The following GSK3A variants were observed in gnomAD, a reference collection of about 807,000 sequenced individuals.
GSK3A encodes the protein glycogen synthase kinase 3 alpha.
Under a neutral mutation model 56.6 loss-of-function variants are expected in GSK3A, and 14 were observed. The ratio of observed to expected loss-of-function variants is 0.25; its 90% CI spans 0.16 to 0.39. GSK3A has a LOEUF of 0.39. GSK3A is among the 10% of genes least tolerant of loss of function. GSK3A has a pLI of 1.00. For synonymous variants in GSK3A, 301 were observed against 285.0 expected (o/e 1.06, Z -0.56); for missense variants, 450 against 656.0 (o/e 0.69, Z 3.43).
At position 42,240,128 on chromosome 19, in the gene GSK3A, C is replaced by A. The variant is rs1441919598; in HGVS notation, c.298G>T (p.Val100Leu). The change falls in exon 2 of 11, where the codon GTG (valine) becomes TTG (leucine). Residue 100 changes from valine (V) to leucine (L), a missense_variant. Val to Leu is a conservative substitution (Grantham distance 32, BLOSUM62 1). Around this residue, in one of 3 missense-constraint regions of GSK3A, gnomAD observed 193 missense variants for 200.5 expected, o/e 0.96. Coordinates refer to ENST00000222330, the MANE Select transcript of GSK3A (RefSeq NM_019884.3). The part of the protein sequence containing the change: ...GVKLGRDSGK[V>L]TTVVATLGQG... ...CCTAGAGTGGCTACGACTGTGGTCA[C>A]CTTCCCGCTGTCACCTGGGGAACAA... The A allele has an allele frequency of 1.2e-6, 2 of 1,614,160 alleles. No homozygotes were observed. Among genetic ancestry groups the A allele is most frequent in the East Asian group, 4.5e-5 (2 of 44,888 alleles).
intron 4 of GSK3A, 89 bp downstream of exon 4, chr19:42,236,517 T>C: frequency 1.2e-6 from 1 of 826,298 alleles, no homozygotes; most frequent in Non-Finnish European, 2.2e-6. Context: ...AACATAAACT[T>C]GGCGGATGAG....
At chr19:42,236,508 A>G (rs1044401272) in intron 4 of GSK3A, 98 bp downstream of exon 4, 2 of 805,390 alleles carry the variant, frequency 2.5e-6, no homozygotes, top group Admixed American at 1.8e-5. Context: ...CCAAAAACCA[A>G]CATAAACTTG....
intron 2 of GSK3A, among the ~76,000 whole-genome samples, chr19:42,238,479 C>T (rs375971936): frequency 9.9e-5 from 15 of 151,400 alleles, no homozygotes; most frequent in African/African-American, 2.2e-4. Context: ...TGGTGGCACA[C>T]GCCTGTAGTC....
Position 42,242,259 on chromosome 19 carries a change from G to T in GSK3A, c.207C>A (p.Pro69=). 7.0e-7 allele frequency: 1 copy of T among 1,434,078 alleles called. No homozygotes were observed. The highest frequency in any genetic ancestry group is 9.1e-7 in the Non-Finnish European group (1 of 1,098,548). 88.8% of individuals were successfully genotyped at this position (1,434,078 alleles called of 1,614,324 possible). Residue 69 remains proline (P), a synonymous_variant, in exon 1 of 11, where the codon CCC becomes CCA. Transcript: ENST00000222330. Reference sequence around the variant, plus strand: ...CGCTGCCTCCTCCGCCGCTGCCGCCGGGTCCACCCCCGGAGCTCGAGGCCC... The same window carrying T: ...CGCTGCCTCCTCCGCCGCTGCCGCCTGGTCCACCCCCGGAGCTCGAGGCCC... The part of the protein sequence containing the change: ...GVGASSSGGG[P]GGSGGGGSGG...
chr19:42,230,725 G>T lies in GSK3A; in HGVS notation c.*69C>A. Reference sequence around the variant, plus strand: ...CCCAGCCAGGGCAGGAGCTTGATGGGCTATGGCCCCCCTTCCCAGCCCCTC... The same window carrying T: ...CCCAGCCAGGGCAGGAGCTTGATGGTCTATGGCCCCCCTTCCCAGCCCCTC... On this transcript the variant is annotated 3_prime_UTR_variant, in exon 11 of 11. Transcript: ENST00000222330. The T allele has an allele frequency of 8.3e-7, 1 of 1,203,288 alleles. No homozygotes were observed. Among genetic ancestry groups the T allele is most frequent in the Non-Finnish European group, 1.2e-6 (1 of 829,358 alleles). 74.5% of individuals were successfully genotyped at this position (1,203,288 alleles called of 1,614,324 possible). A position where few individuals can be genotyped will look rare whatever the true frequency, so the allele number is the denominator to read the frequency against.
chr19:42,236,536 T>C (rs1040132174), intron 4 of GSK3A, 70 bp downstream of exon 4: 14 of 927,012 alleles, frequency 1.5e-5, no homozygotes, highest in Non-Finnish European at 2.2e-5. Context: ...AGGGATCCCA[T>C]AAAAGGCAGG....
chr19:42,242,331 G>A lies in GSK3A; in HGVS notation c.135C>T (p.Gly45=), dbSNP rs2036298475. Reference sequence around the variant, plus strand: ...CGACAGATGCCTTTCCGCCGCCGGTGCCGCCTGGGCCGGAGGCCGAGCCTC... The same window carrying A: ...CGACAGATGCCTTTCCGCCGCCGGTACCGCCTGGGCCGGAGGCCGAGCCTC... ...GPGGSASGPG[G]TGGGKASVGA... Residue 45 remains glycine (G), a synonymous_variant, in exon 1 of 11, where the codon GGC becomes GGT. Transcript: ENST00000222330. The A allele has an allele frequency of 2.8e-6, 4 of 1,426,100 alleles. No individual in the cohort carries two copies. The South Asian group carries it at 5.7e-5, about 20-fold the overall frequency. 88.3% of individuals were successfully genotyped at this position (1,426,100 alleles called of 1,614,324 possible). A position where few individuals can be genotyped will look rare whatever the true frequency, so the allele number is the denominator to read the frequency against.
Position 42,232,500 on chromosome 19 carries a change from A to G in GSK3A, c.1281T>C (p.Ala427=). 1 of 1,613,900 alleles carries G rather than the reference A, an allele frequency of 6.2e-7. No homozygotes were observed. Among genetic ancestry groups the G allele is most frequent in the Non-Finnish European group, 8.5e-7 (1 of 1,179,894 alleles). Residue 427 remains alanine, a synonymous_variant, in exon 9 of 11, where the codon GCT becomes GCC. Coordinates refer to ENST00000222330, the MANE Select transcript of GSK3A (RefSeq NM_019884.3). ...GATCCCAGGCTATGCCCTCACCACC[A>G]GCACTGAAGTTGAAGAGAGGGGGAA... ...RPLPPLFNFS[A]GELSIQPSLN...
chr19:42,240,975 T>G (rs1019893659), intron 1 of GSK3A: 14 of 152,112 alleles, frequency 9.2e-5, no homozygotes, highest in African/African-American at 3.4e-4. Context: ...CCCCTTTGAG[T>G]AACTGATGAA....
Position 42,242,184 on chromosome 19 carries a change from G to A in GSK3A, c.282C>T (p.Gly94=). ...TACACGGGCGCCACTAGTACTCACG[G>A]CCCAGCTTCACCCCGGGCGGCGGGA... The part of the protein sequence containing the change: ...TSFPPPGVKL[G]RDSGKVTTVV... The change falls in exon 1 of 11, where the codon GGC becomes GGT. Residue 94 remains glycine, a splice_region_variant and synonymous_variant. Coordinates refer to ENST00000222330, the MANE Select transcript of GSK3A (RefSeq NM_019884.3). 7.1e-7 allele frequency: 1 copy of A among 1,413,538 alleles called. No individual in the cohort carries two copies. Among genetic ancestry groups the A allele is most frequent in the Non-Finnish European group, 9.2e-7 (1 of 1,087,364 alleles). The allele number at this position is 1,413,538 out of a possible 1,614,324, so 87.6% of individuals were successfully genotyped here. A position where few individuals can be genotyped will look rare whatever the true frequency, so the allele number is the denominator to read the frequency against.
In GSK3A at chr19:42,234,356, T is replaced by C; in HGVS notation, c.901A>G (p.Ile301Val). The C allele has an allele frequency of 6.2e-7, 1 of 1,612,408 alleles. No homozygotes were observed. Among genetic ancestry groups the C allele is most frequent in the Non-Finnish European group, 8.5e-7 (1 of 1,178,426 alleles). ...GCCACCCTCCCATAACTCTGACCGA[T>C]GGATGAGGTGTAATCAGTGGCTCCA... ...IFGATDYTSSIDVWSAGCVLA... is the reference protein window; with the variant it reads ...IFGATDYTSSVDVWSAGCVLA... Residue 301 changes from isoleucine (I) to valine (V), a missense_variant, in exon 6 of 11, where the codon ATC becomes GTC. Around this residue, in one of 3 missense-constraint regions of GSK3A, gnomAD observed 144 missense variants for 308.0 expected, o/e 0.47. Transcript: ENST00000222330. The surrounding 1 kb of genome is among the most constrained non-coding windows in gnomAD (Gnocchi z 5.7).
chr19:42,242,215 G>A lies in GSK3A; in HGVS notation c.251C>T (p.Thr84Ile), dbSNP rs1360888950. 7.6e-6 allele frequency: 11 copies of A among 1,446,152 alleles called. No individual in the cohort carries two copies. The highest frequency in any genetic ancestry group is 9.1e-6 in the Non-Finnish European group (10 of 1,104,826). 89.6% of individuals were successfully genotyped at this position (1,446,152 alleles called of 1,614,324 possible). Residue 84 changes from threonine (T) to isoleucine (I), a missense_variant, in exon 1 of 11, where the codon ACT (threonine) becomes ATT (isoleucine). Physicochemically the swap from Thr to Ile is moderately conservative, Grantham distance 89 (BLOSUM62 -1). This residue lies in a region of GSK3A where 193 missense variants were observed against 200.5 expected (regional missense o/e 0.96). Coordinates refer to ENST00000222330, the MANE Select transcript of GSK3A (RefSeq NM_019884.3). ...GGGSGGPGAG[T>I]SFPPPGVKLG... ...CTTCACCCCGGGCGGCGGGAAGCTA[G>A]TGCCTGCGCCGGGGCCTCCGCTGCC... is the stretch of plus-strand genomic sequence containing the variant.
intron 1 of GSK3A, chr19:42,241,878 T>C (rs1003292759): frequency 3.5e-6 from 1 of 289,660 alleles, no homozygotes; most frequent in Admixed American, 5.2e-5. Context: ...TCCAATATTA[T>C]AATGAATAGC....
Position 42,242,364 on chromosome 19 carries a change from G to GCCGCCGCCTCCTCCGCCT in GSK3A, c.84_101dup (p.Gly30_Gly35dup), listed in dbSNP as rs2036299102. The GCCGCCGCCTCCTCCGCCT allele has an allele frequency of 1.4e-6, 2 of 1,401,278 alleles. No homozygotes were observed. Among genetic ancestry groups the GCCGCCGCCTCCTCCGCCT allele is most frequent in the Non-Finnish European group, 1.9e-6 (2 of 1,080,368 alleles). 86.8% of individuals were successfully genotyped at this position (1,401,278 alleles called of 1,614,324 possible). On this transcript the variant is annotated inframe_insertion, in exon 1 of 11. Transcript: ENST00000222330. ...GGCCGGAGGCCGAGCCTCCGGGGCC[G>GCCGCCGCCTCCTCCGCCT]CCGCCGCCTCCTCCGCCTCCGCCGC...
chr19:42,231,974 A>G, intron 10 of GSK3A, 83 bp downstream of exon 10: 1 of 704,604 alleles, frequency 1.4e-6, no homozygotes, highest in Non-Finnish European at 2.4e-6. Flanking sequence ...AAATACATTC[A>G]GGAAACCCAG....
chr19:42,238,401 A>AAAAAAGATTTCACATC (rs2036271068), intron 2 of GSK3A, among the ~76,000 whole-genome samples: 1 of 147,686 alleles, frequency 6.8e-6, no homozygotes, highest in Non-Finnish European at 1.5e-5. Flanking sequence ...AAAAAAAAAA[A>AAAAAAGATTTCACATC]TAGAGACCAT....
intron 9 of GSK3A, 131 bp downstream of exon 9, chr19:42,232,365 T>A: frequency 1.2e-6 from 1 of 830,356 alleles, no homozygotes; most frequent in Non-Finnish European, 1.9e-6. Context: ...GGGAGTCATC[T>A]TTCCTGAGCC....
Position 42,242,565 on chromosome 19 carries a change from C to T in GSK3A, c.-100G>A. On this transcript the variant is annotated 5_prime_UTR_variant, in exon 1 of 11. Coordinates refer to ENST00000222330, the MANE Select transcript of GSK3A (RefSeq NM_019884.3). ...CCCCCGGGCCCTGGCCTCTTCCAGG[C>T]CGCGCCGCTCTGGCTTGGGCTCCGG... 1 of 931,578 alleles carries T rather than the reference C, an allele frequency of 1.1e-6. No individual in the cohort carries two copies. The allele number at this position is 931,578 out of a possible 1,614,324, so 57.7% of individuals were successfully genotyped here.
intron 4 of GSK3A, 142 bp downstream of exon 4, chr19:42,236,464 G>T (rs1196398581): frequency 1.5e-6 from 1 of 663,964 alleles, no homozygotes; most frequent in Admixed American, 2.3e-5. Context: ...CATCTCGGGG[G>T]GTTATGGGAA....
Sources: gnomAD v4.1 joint callset for allele counts (sites outside exome capture counted in the v4.1 genomes callset) on GRCh38, gnomAD v4.1.1 for gene constraint, gnomAD v4.1.1 regional missense constraint, Gnocchi (gnomAD v3.1) non-coding constraint, MANE v1.5 for transcripts, NCBI Gene and HGNC (gene_info 2026-07-23, HGNC 2026-07-21) for gene names.